The following ARHGEF4 variants were observed in gnomAD, a reference collection of about 807,000 sequenced individuals.
ARHGEF4 encodes APC-stimulated guanine nucleotide exchange factor 1.
Under a neutral mutation model 162.0 loss-of-function variants are expected in ARHGEF4, and 119 were observed. The observed-to-expected ratio is 0.73, with a 90% CI of 0.63 to 0.86. ARHGEF4 has a LOEUF of 0.86. Ranked by LOEUF, ARHGEF4 falls within the 40% of genes least tolerant of loss-of-function variation. The pLI, the probability that ARHGEF4 is intolerant of heterozygous loss-of-function variation, is 0.00. For missense variants in ARHGEF4, 2,488 were observed against 2,456.0 expected (o/e 1.01, Z -0.28); for synonymous variants, 1,014 against 979.9 (o/e 1.03, Z -0.65).
intron 4 of ARHGEF4, among the ~76,000 whole-genome samples, chr2:130,966,773 A>G (rs1389679452): frequency 6.6e-6 from 1 of 152,134 alleles, no homozygotes; most frequent in Non-Finnish European, 1.5e-5. Context: ...CAGCTTTCCT[A>G]TTTGCAAAGC....
intron 5 of ARHGEF4, 23 bp downstream of exon 5, chr2:131,028,107 A>G (rs764060977): frequency 6.2e-7 from 1 of 1,612,372 alleles, no homozygotes. Flanking sequence ...CTGCACGGGC[A>G]GAGGGAGGGA....
chr2:130,920,729 T>G (rs1681823073), intron 2 of ARHGEF4, among the ~76,000 whole-genome samples: 2 of 152,232 alleles, frequency 1.3e-5, no homozygotes, highest in African/African-American at 4.8e-5. Flanking sequence ...TATCCCAATC[T>G]TTTAAAACAA....
chr2:130,856,653 G>T (rs1445670320), intron 1 of ARHGEF4, among the ~76,000 whole-genome samples: 5 of 152,176 alleles, frequency 3.3e-5, no homozygotes, highest in Non-Finnish European at 5.9e-5. Flanking sequence ...AATAATCCAT[G>T]TATCATTGTA....
At chr2:131,010,848 C>T (rs897812190) in intron 4 of ARHGEF4, among the ~76,000 whole-genome samples, 1 of 152,220 alleles carries the variant, frequency 6.6e-6, no homozygotes, top group Non-Finnish European at 1.5e-5. Context: ...CACATCCTGA[C>T]AGAGTTCTAC....
chr2:131,034,768 C>T (rs1446383726), intron 5 of ARHGEF4, among the ~76,000 whole-genome samples: 2 of 152,146 alleles, frequency 1.3e-5, no homozygotes, highest in African/African-American at 4.8e-5. Flanking sequence ...AGCCCAGGGC[C>T]AGGACTGCTG....
At chr2:130,919,940 A>G (rs557909315) in intron 2 of ARHGEF4, among the ~76,000 whole-genome samples, 1 of 152,232 alleles carries the variant, frequency 6.6e-6, no homozygotes, top group East Asian at 1.9e-4. Flanking sequence ...ACACATGCAC[A>G]CACATACATG....
At chr2:130,984,798 C>T (rs917754866) in intron 4 of ARHGEF4, among the ~76,000 whole-genome samples, 11 of 152,134 alleles carry the variant, frequency 7.2e-5, no homozygotes, top group Admixed American at 5.9e-4. Context: ...AACAAACAAG[C>T]CCCAAGTGTC....
intron 1 of ARHGEF4, among the ~76,000 whole-genome samples, chr2:130,901,681 C>T (rs1257833661): frequency 6.6e-6 from 1 of 152,054 alleles, no homozygotes. Flanking sequence ...CCACCACACC[C>T]GGCTAATTTT....
chr2:130,992,755 T>G (rs763158832), intron 4 of ARHGEF4, among the ~76,000 whole-genome samples: 1 of 152,182 alleles, frequency 6.6e-6, no homozygotes, highest in Non-Finnish European at 1.5e-5. Flanking sequence ...AAGGATTATT[T>G]AGCTGAATAA....
At chr2:130,920,186 G>A (rs1046004167) in intron 2 of ARHGEF4, among the ~76,000 whole-genome samples, 1 of 152,086 alleles carries the variant, frequency 6.6e-6, no homozygotes, top group African/African-American at 2.4e-5. Context: ...ACGGTTCACT[G>A]CAGCCTGGAT....
At position 131,046,862 on chromosome 2, in the gene ARHGEF4, G is replaced by T. The variant is rs1022816477; in HGVS notation, c.*673G>T. 9.2e-5 allele frequency: 14 copies of T among 152,822 alleles called. No homozygotes were observed. Among genetic ancestry groups the T allele is most frequent in the African/African-American group, 3.1e-4 (13 of 41,582 alleles). The allele number at this position is 152,822 out of a possible 1,614,324, so 9.5% of individuals were successfully genotyped here. ...GCTGCATACTCCCAGTCGGGAGTGT[G>T]GTCAGTCTGCCTGCTGCTGTGCGGT... On this transcript the variant is annotated 3_prime_UTR_variant, in exon 14 of 14. Coordinates refer to ENST00000409359, the MANE Select transcript of ARHGEF4 (RefSeq NM_001367493.1).
chr2:130,879,279 AT>A (rs1679048936), intron 1 of ARHGEF4, among the ~76,000 whole-genome samples: 1 of 152,204 alleles, frequency 6.6e-6, no homozygotes, highest in Non-Finnish European at 1.5e-5. Context: ...TATGGAAGAT[AT>A]GTCTCTTTTA....
chr2:131,035,075 G>C, intron 5 of ARHGEF4: 2 of 1,020,692 alleles, frequency 2.0e-6, no homozygotes, highest in Non-Finnish European at 2.3e-6. Flanking sequence ...GCCGCACGGA[G>C]CGGGAGGCCG....
At chr2:130,849,057 G>C (rs1413033318) in intron 1 of ARHGEF4, among the ~76,000 whole-genome samples, 3 of 152,088 alleles carry the variant, frequency 2.0e-5, no homozygotes, top group Non-Finnish European at 2.9e-5. Context: ...CTCCCCTGCT[G>C]CCCCCCTCCT....
At chr2:131,014,616 C>T (rs1262903673) in intron 4 of ARHGEF4, among the ~76,000 whole-genome samples, 7 of 152,144 alleles carry the variant, frequency 4.6e-5, no homozygotes, top group East Asian at 1.9e-4. Context: ...AAAGCAAGTC[C>T]CAGACATCAT....
intron 1 of ARHGEF4, among the ~76,000 whole-genome samples, chr2:130,839,155 T>A (rs1680424439): frequency 6.6e-6 from 1 of 151,820 alleles, no homozygotes; most frequent in Non-Finnish European, 1.5e-5. Flanking sequence ...GCTGTGTGAG[T>A]GTGTCTTGCC....
rs1279427293 is a variant in ARHGEF4 at position 131,040,039 on chromosome 2, C to T, written c.4329C>T (p.Pro1443=). Residue 1443 remains proline (P), a synonymous_variant, in exon 7 of 14, where the codon CCC becomes CCT. Coordinates refer to ENST00000409359, the MANE Select transcript of ARHGEF4 (RefSeq NM_001367493.1). The part of the protein sequence containing the change: ...FVRLRVNQDE[P]ADDDAPLAGN... The stretch of plus-strand genomic sequence containing the variant: ...AGCTGAGGGTGAATCAGGACGAGCC[C>T]GCGGATGACGACGCCCCTCTGGCCG... 2 of 1,570,762 alleles carry T rather than the reference C, an allele frequency of 1.3e-6. No individual in the cohort carries two copies. Among genetic ancestry groups the T allele is most frequent in the Non-Finnish European group, 1.7e-6 (2 of 1,159,368 alleles).
chr2:130,851,938 C>A (rs1681443437), intron 1 of ARHGEF4, among the ~76,000 whole-genome samples: 1 of 152,244 alleles, frequency 6.6e-6, no homozygotes. Flanking sequence ...ACTTCAGTTT[C>A]CTTACCTGGA....
At chr2:130,977,841 C>G (rs1172658156) in intron 4 of ARHGEF4, among the ~76,000 whole-genome samples, 1 of 152,142 alleles carries the variant, frequency 6.6e-6, no homozygotes, top group East Asian at 1.9e-4. Flanking sequence ...GAAAGCCAAT[C>G]ACTGAGACAA....
Sources: gnomAD v4.1 joint callset for allele counts (sites outside exome capture counted in the v4.1 genomes callset) on GRCh38, gnomAD v4.1.1 for gene constraint, MANE v1.5 for transcripts, NCBI Gene and HGNC (gene_info 2026-07-23, HGNC 2026-07-21) for gene names.